Variants in CUL5 observed in about 807,000 individuals in gnomAD.
CUL5 encodes the protein cullin-5.
CUL5 carries 26 observed loss-of-function variants against 108.8 expected under a neutral mutation model. The observed-to-expected ratio is 0.24, with a 90% CI of 0.18 to 0.33. The LOEUF is 0.33. CUL5 is among the 10% of genes least tolerant of loss of function. CUL5 has a pLI of 1.00. For missense variants in CUL5, 524 were observed against 909.2 expected (o/e 0.58, Z 5.45); for synonymous variants, 334 against 298.0 (o/e 1.12, Z -1.25).
intron 11 of CUL5, among the ~76,000 whole-genome samples, chr11:108,085,706 T>C (rs1229015469): frequency 1.3e-5 from 2 of 152,176 alleles, no homozygotes; most frequent in Non-Finnish European, 2.9e-5. Context: ...ATACCACTTA[T>C]TGTATGATAA....
intron 1 of CUL5, among the ~76,000 whole-genome samples, chr11:108,023,020 A>T (rs1426494338): frequency 2.6e-5 from 4 of 152,202 alleles, no homozygotes; most frequent in Non-Finnish European, 5.9e-5. Context: ...AGGCCAAGGC[A>T]GGTGGATCAC....
At position 108,094,924 on chromosome 11, in the gene CUL5, A is replaced by G. The variant is rs1178612628; in HGVS notation, c.1680A>G (p.Glu560=). The change falls in exon 15 of 19, where the codon GAA becomes GAG. Residue 560 remains glutamate, a synonymous_variant. Transcript: ENST00000393094. ...ELEDLIPEVE[E]FYKKNHSGRK... ...AGGACTTGATACCGGAAGTAGAAGA[A>G]TTCTACAAAAAAAATCATAGTGGTA... 7 of 1,613,430 alleles carry G rather than the reference A, an allele frequency of 4.3e-6. No individual in the cohort carries two copies. The highest frequency in any genetic ancestry group is 5.9e-6 in the Non-Finnish European group (7 of 1,179,514).
At chr11:108,028,131 T>C (rs1862495042) in intron 1 of CUL5, among the ~76,000 whole-genome samples, 1 of 152,238 alleles carries the variant, frequency 6.6e-6, no homozygotes, top group South Asian at 2.1e-4. Context: ...GATAGGCCTT[T>C]TAAATTCTAG....
At chr11:108,024,695 A>G (rs1367195173) in intron 1 of CUL5, among the ~76,000 whole-genome samples, 1 of 152,236 alleles carries the variant, frequency 6.6e-6, no homozygotes, top group Non-Finnish European at 1.5e-5. Flanking sequence ...AGGAAAATCA[A>G]AAGAAGTCTT....
intron 3 of CUL5, 180 bp downstream of exon 3, chr11:108,046,549 C>T: frequency 1.9e-6 from 1 of 524,934 alleles, no homozygotes; most frequent in Non-Finnish European, 3.3e-6. Context: ...TTTTTTCCCA[C>T]AGTGATACTT....
At chr11:108,067,645 C>T (rs1863719248) in intron 7 of CUL5, among the ~76,000 whole-genome samples, 1 of 151,982 alleles carries the variant, frequency 6.6e-6, no homozygotes, top group Admixed American at 6.6e-5. Context: ...ATTTCAACTA[C>T]CACTGAACAG....
At chr11:108,087,031 T>C (rs1439808662) in intron 11 of CUL5, among the ~76,000 whole-genome samples, 1 of 152,216 alleles carries the variant, frequency 6.6e-6, no homozygotes, top group African/African-American at 2.4e-5. Flanking sequence ...AGATGGATCA[T>C]TAAAAATAAA....
chr11:108,096,500 T>A lies in CUL5; in HGVS notation c.1905+809T>A, dbSNP rs537376372. 2.0e-3 allele frequency among the ~76,000 whole-genome samples: 301 copies of A among 148,786 alleles called. 11 individuals are homozygous for A. Among genetic ancestry groups the A allele is most frequent in the Admixed American group, 0.02 (290 of 14,796 alleles). ...GACCCATCTCAAAAATTTTTTTTTT[T>A]AAAAAAGAGAAAGATTGAGTTGGTA... On this transcript the variant is annotated intron_variant, in intron 16 of 18. Coordinates refer to ENST00000393094, the MANE Select transcript of CUL5 (RefSeq NM_003478.6).
Position 108,089,511 on chromosome 11 carries a change from T to C in CUL5, c.1331T>C (p.Val444Ala). ...ATACAGCTCTTGGTACTTAAGTATG[T>C]ACAGAACAAAGATGTTTTTATGAGG... ...LKEVLLVLKYVQNKDVFMRYH... is the reference protein window; with the variant it reads ...LKEVLLVLKYAQNKDVFMRYH... The change falls in exon 13 of 19, where the codon GTA becomes GCA. Residue 444 changes from valine (V) to alanine (A), a missense_variant. Val to Ala is a moderately conservative substitution (Grantham distance 64). Around this residue, in one of 8 missense-constraint regions of CUL5, gnomAD observed 76 missense variants for 168.3 expected, o/e 0.45. Coordinates refer to ENST00000393094, the MANE Select transcript of CUL5 (RefSeq NM_003478.6). The C allele has an allele frequency of 6.4e-7, 1 of 1,559,164 alleles. No individual in the cohort carries two copies. Among genetic ancestry groups the C allele is most frequent in the Non-Finnish European group, 8.6e-7 (1 of 1,157,412 alleles).
intron 3 of CUL5, among the ~76,000 whole-genome samples, chr11:108,047,098 G>A (rs777842400): frequency 6.6e-6 from 1 of 152,106 alleles, no homozygotes; most frequent in Non-Finnish European, 1.5e-5. Flanking sequence ...CAGGCAAATT[G>A]CTTGAGTCAA....
chr11:108,058,209 AAAAAAAAAAAAAAAAAAG>A (rs1379303391), intron 7 of CUL5, among the ~76,000 whole-genome samples: 1 of 19,256 alleles, frequency 5.2e-5, no homozygotes, highest in African/African-American at 1.8e-4. Context: ...ACTCTGTCTC[AAAAAAAAAAAAAAAAAAG>A]AATATTATGA....
chr11:108,095,292 C>G (rs1864462696), intron 15 of CUL5, among the ~76,000 whole-genome samples: 1 of 152,162 alleles, frequency 6.6e-6, no homozygotes, highest in African/African-American at 2.4e-5. Flanking sequence ...GAAGTTTCCT[C>G]TGTCATTTTC....
At chr11:108,098,243 TAG>T (rs1224928020) in intron 17 of CUL5, among the ~76,000 whole-genome samples, 161 bp from the exon 18 acceptor site, 1 of 152,230 alleles carries the variant, frequency 6.6e-6, no homozygotes, top group East Asian at 1.9e-4. Context: ...GGAAAATACA[TAG>T]AGTTTGTTTT....
intron 10 of CUL5, among the ~76,000 whole-genome samples, chr11:108,074,638 C>T (rs969346590): frequency 6.6e-6 from 1 of 151,906 alleles, no homozygotes; most frequent in Non-Finnish European, 1.5e-5. Context: ...AACCCCATCT[C>T]TACTAAAAAT....
intron 13 of CUL5, among the ~76,000 whole-genome samples, chr11:108,090,532 T>G (rs1487635503): frequency 6.6e-6 from 1 of 152,078 alleles, no homozygotes; most frequent in African/African-American, 2.4e-5. Context: ...GACAAATTAT[T>G]ATATCTTTAA....
At chr11:108,057,090 T>A (rs1378089353) in intron 7 of CUL5, among the ~76,000 whole-genome samples, 3 of 151,574 alleles carry the variant, frequency 2.0e-5, no homozygotes, top group Non-Finnish European at 4.4e-5. Context: ...TGTATGTTAG[T>A]CATATCATAG....
At chr11:108,009,616 G>A (rs996281808) in intron 1 of CUL5, among the ~76,000 whole-genome samples, 3 of 152,152 alleles carry the variant, frequency 2.0e-5, no homozygotes, top group African/African-American at 7.2e-5. Context: ...CGCTGGCGAG[G>A]AGCGATGCTT....
At chr11:108,059,467 T>C (rs1863479687) in intron 7 of CUL5, among the ~76,000 whole-genome samples, 1 of 152,108 alleles carries the variant, frequency 6.6e-6, no homozygotes, top group Non-Finnish European at 1.5e-5. Flanking sequence ...TGTATTACAG[T>C]GGTTAGGGTC....
chr11:108,025,446 G>C (rs1285687526), intron 1 of CUL5, among the ~76,000 whole-genome samples: 1 of 152,116 alleles, frequency 6.6e-6, no homozygotes, highest in Non-Finnish European at 1.5e-5. Context: ...AGGTAACTTG[G>C]AATCAGTTTG....
Sources: allele counts gnomAD v4.1 joint callset (sites outside exome capture counted in the v4.1 genomes callset), GRCh38; gene constraint gnomAD v4.1.1; regional missense constraint gnomAD v4.1.1; transcripts MANE v1.5; gene names NCBI Gene and HGNC (gene_info 2026-07-23, HGNC 2026-07-21).